CALN1: variants seen among roughly 807,000 people sequenced by gnomAD.
The protein encoded by CALN1 is calneuron 1.
In CALN1, 17 loss-of-function variants were observed where a neutral mutation model predicts 30.6. The ratio of observed to expected loss-of-function variants is 0.56; its 90% CI spans 0.38 to 0.83. The LOEUF (loss-of-function observed/expected upper bound fraction) is 0.83, where lower values mean the gene tolerates loss of function less well. Ranked by LOEUF, CALN1 falls within the 40% of genes least tolerant of loss-of-function variation. The pLI is 0.00. For synonymous variants in CALN1, 156 were observed against 131.4 expected (o/e 1.19, Z -1.28); for missense variants, 291 against 354.9 (o/e 0.82, Z 1.45).
intron 4 of CALN1, among the ~76,000 whole-genome samples, chr7:72,052,896 A>G (rs1233384596): frequency 7.1e-6 from 1 of 141,000 alleles, no homozygotes; most frequent in Non-Finnish European, 1.6e-5. Flanking sequence ...TTGGGAGGCC[A>G]AGGCCAGGTG....
At chr7:72,179,312 T>C (rs909277893) in intron 3 of CALN1, among the ~76,000 whole-genome samples, 3 of 152,232 alleles carry the variant, frequency 2.0e-5, no homozygotes, top group Non-Finnish European at 4.4e-5. Context: ...GATTAAAAGT[T>C]CTTTTTTAAA....
chr7:71,983,567 T>C (rs1040733145), intron 5 of CALN1, among the ~76,000 whole-genome samples: 1 of 151,924 alleles, frequency 6.6e-6, no homozygotes, highest in Non-Finnish European at 1.5e-5. Flanking sequence ...ATTTTGCGAG[T>C]GTTGCCGAGG....
chr7:71,913,209 G>A (rs1468259114), intron 5 of CALN1, among the ~76,000 whole-genome samples: 3 of 152,182 alleles, frequency 2.0e-5, no homozygotes, highest in African/African-American at 7.2e-5. Context: ...CGAGGAGCTG[G>A]CCAGGCCAGG....
intron 5 of CALN1, among the ~76,000 whole-genome samples, chr7:71,980,831 G>A (rs1032973217): frequency 1.3e-5 from 2 of 152,134 alleles, no homozygotes; most frequent in African/African-American, 4.8e-5. Flanking sequence ...CCCCTCCTGT[G>A]GAAAGATGTC....
chr7:71,917,660 G>A (rs1794747675), intron 5 of CALN1, among the ~76,000 whole-genome samples: 1 of 152,102 alleles, frequency 6.6e-6, no homozygotes, highest in East Asian at 1.9e-4. Flanking sequence ...GTGCAAGTGG[G>A]GGGAGGAAAT....
chr7:72,281,772 G>C (rs1274755243), intron 2 of CALN1, among the ~76,000 whole-genome samples: 1 of 152,120 alleles, frequency 6.6e-6, no homozygotes, highest in Non-Finnish European at 1.5e-5. Context: ...GTTGTCTGCA[G>C]CTTTGGATTC....
intron 2 of CALN1, among the ~76,000 whole-genome samples, chr7:72,345,578 G>A (rs1307280741): frequency 1.3e-5 from 2 of 150,522 alleles, no homozygotes; most frequent in Non-Finnish European, 3.0e-5. Context: ...GGAGGGAAGG[G>A]AAGGAAAGGA....
At chr7:72,502,552 A>G in the CALN1 span, among the ~76,000 whole-genome samples, 1 of 152,018 alleles carries the variant, frequency 6.6e-6, no homozygotes, top group African/African-American at 2.4e-5. Flanking sequence ...TTAGCTTTGC[A>G]GGTACAAGTA....
chr7:72,433,129 C>G (rs1808030070), intron 1 of CALN1, among the ~76,000 whole-genome samples: 1 of 152,106 alleles, frequency 6.6e-6, no homozygotes, highest in Non-Finnish European at 1.5e-5. Flanking sequence ...TTCCATTTTC[C>G]TCTGAATCAC....
At chr7:72,326,959 C>T (rs1801320505) in intron 2 of CALN1, among the ~76,000 whole-genome samples, 1 of 152,192 alleles carries the variant, frequency 6.6e-6, no homozygotes, top group African/African-American at 2.4e-5. Context: ...GTCTTCTAAA[C>T]ACATATTCAT....
chr7:71,928,448 C>CAAA (rs60088732), intron 5 of CALN1, among the ~76,000 whole-genome samples: 60 of 99,940 alleles, frequency 6.0e-4, no homozygotes, highest in African/African-American at 1.4e-3. Context: ...CTTTTAATGG[C>CAAA]AAAAAAAAAA....
At chr7:72,079,261 T>A (rs1242573653) in intron 4 of CALN1, among the ~76,000 whole-genome samples, 2 of 152,156 alleles carry the variant, frequency 1.3e-5, no homozygotes, top group Non-Finnish European at 2.9e-5. Context: ...CGTGTTCTCA[T>A]CTGGAAATGA....
At chr7:72,311,322 A>T (rs1311651583) in intron 2 of CALN1, among the ~76,000 whole-genome samples, 2 of 152,216 alleles carry the variant, frequency 1.3e-5, no homozygotes, top group Non-Finnish European at 2.9e-5. Context: ...ATATGTGTTA[A>T]TTACCTGTTT....
intron 3 of CALN1, among the ~76,000 whole-genome samples, chr7:72,197,075 T>C (rs1047188384): frequency 6.6e-6 from 1 of 152,136 alleles, no homozygotes; most frequent in African/African-American, 2.4e-5. Flanking sequence ...TTGAGTGAGT[T>C]TGGCCAGAAG....
intron 5 of CALN1, among the ~76,000 whole-genome samples, chr7:71,995,554 A>G (rs1356141166): frequency 6.6e-6 from 1 of 152,106 alleles, no homozygotes; most frequent in Non-Finnish European, 1.5e-5. Context: ...CACACCTGTA[A>G]TCCCAGCACT....
intron 2 of CALN1, among the ~76,000 whole-genome samples, chr7:72,320,784 G>A (rs191891107): frequency 2.8e-4 from 40 of 141,168 alleles, no homozygotes; most frequent in Admixed American, 2.5e-3. Flanking sequence ...GCAGTGAGCC[G>A]AGACCACACC....
intron 2 of CALN1, among the ~76,000 whole-genome samples, chr7:72,389,495 G>C (rs1278362677): frequency 6.6e-6 from 1 of 152,146 alleles, no homozygotes; most frequent in East Asian, 1.9e-4. Context: ...TTCCCTGTTA[G>C]GCTTTAATTT....
In CALN1 at chr7:71,785,237, G is replaced by A. The variant is rs746659378; in HGVS notation, c.*2538C>T. On this transcript the variant is annotated 3_prime_UTR_variant, in exon 7 of 7. Transcript: ENST00000395275. The stretch of plus-strand genomic sequence containing the variant: ...TCCTAGATTTTCCCCTGGGGAGGGT[G>A]GGCTTGCTTCCAGGTCACTGGGAGC... 5.4e-6 allele frequency: 1 copy of A among 183,588 alleles called. No individual in the cohort carries two copies. The highest frequency in any genetic ancestry group is 2.3e-5 in the African/African-American group (1 of 42,760). 11.4% of individuals were successfully genotyped at this position (183,588 alleles called of 1,614,324 possible).
chr7:72,010,863 A>C (rs1208693828), intron 5 of CALN1, among the ~76,000 whole-genome samples: 1 of 150,530 alleles, frequency 6.6e-6, no homozygotes, highest in Non-Finnish European at 1.5e-5. Flanking sequence ...AAGGAAAGGA[A>C]AGGAAAATTA....
Sources: gnomAD v4.1 joint callset for allele counts (sites outside exome capture counted in the v4.1 genomes callset) on GRCh38, gnomAD v4.1.1 for gene constraint, MANE v1.5 for transcripts, NCBI Gene and HGNC (gene_info 2026-07-23, HGNC 2026-07-21) for gene names.